The following MMP16 variants were observed in gnomAD, a reference collection of about 807,000 sequenced individuals.
The protein encoded by MMP16 is matrix metallopeptidase 16, also known as matrix metalloproteinase-16.
A neutral mutation model predicts 67.8 loss-of-function variants in MMP16; 12 were observed. That is an observed-to-expected ratio of 0.18 (90% CI 0.11 to 0.29). The LOEUF is 0.29. Ranked by LOEUF, MMP16 falls within the 10% of genes least tolerant of loss-of-function variation. MMP16 has a pLI of 1.00. For synonymous variants in MMP16, 249 were observed against 255.9 expected (o/e 0.97, Z 0.26); for missense variants, 475 against 765.7 (o/e 0.62, Z 4.48).
chr8:88,239,294 C>CAAAAAAAAAAAAAAAAAAA (rs34599512), intron 1 of MMP16, among the ~76,000 whole-genome samples: 1 of 80,538 alleles, frequency 1.2e-5, no homozygotes, highest in Non-Finnish European at 2.2e-5. Flanking sequence ...GACGCAGTCT[C>CAAAAAAAAAAAAAAAAAAA]AAAAAAAAAA....
chr8:88,304,101 T>C (rs1300025391), intron 1 of MMP16, among the ~76,000 whole-genome samples: 1 of 152,112 alleles, frequency 6.6e-6, no homozygotes, highest in East Asian at 1.9e-4. Flanking sequence ...GAGAGGAACA[T>C]AATTGACCTG....
chr8:88,238,482 ACT>A (rs571185803), intron 1 of MMP16, among the ~76,000 whole-genome samples: 163 of 151,636 alleles, frequency 1.1e-3, no homozygotes, highest in African/African-American at 3.8e-3. Context: ...ACATGGTGAA[ACT>A]CTCTCTCTAC....
intron 4 of MMP16, among the ~76,000 whole-genome samples, chr8:88,154,622 A>T (rs1808474796): frequency 6.6e-6 from 1 of 151,396 alleles, no homozygotes; most frequent in Non-Finnish European, 1.5e-5. Context: ...CAAGAACAAA[A>T]AACCAAACAC....
At chr8:88,320,740 T>G (rs2130086874) in intron 1 of MMP16, among the ~76,000 whole-genome samples, 1 of 152,274 alleles carries the variant, frequency 6.6e-6, no homozygotes, top group African/African-American at 2.4e-5. Context: ...ATTGGAGTCT[T>G]TAAGCAGCTC....
At chr8:88,306,100 G>C (rs1020438536) in intron 1 of MMP16, among the ~76,000 whole-genome samples, 2 of 151,570 alleles carry the variant, frequency 1.3e-5, no homozygotes, top group Non-Finnish European at 2.9e-5. Flanking sequence ...AATGATAAGG[G>C]GGATGTCACC....
At chr8:88,165,536 A>C (rs1233313700) in intron 4 of MMP16, among the ~76,000 whole-genome samples, 2 of 152,052 alleles carry the variant, frequency 1.3e-5, no homozygotes, top group East Asian at 3.9e-4. Context: ...TTAATCAAGC[A>C]TTTCTTATAT....
Position 88,279,114 on chromosome 8 carries a change from A to C in MMP16, c.132+47961T>G, listed in dbSNP as rs185756360. On this transcript the variant is annotated intron_variant, in intron 1 of 9. Coordinates refer to ENST00000286614, the MANE Select transcript of MMP16 (RefSeq NM_005941.5). ...GCATGTGCCTGTAGTCCCAGCCACTAAGGAGGCTGAGGCAGGAGAATCACT... is the reference window on the plus strand; with the variant it reads ...GCATGTGCCTGTAGTCCCAGCCACTCAGGAGGCTGAGGCAGGAGAATCACT... 2.6e-3 allele frequency among the ~76,000 whole-genome samples: 392 copies of C among 152,002 alleles called. 4 individuals are homozygous for C. The Middle Eastern group carries it at 0.031, about 12-fold the overall frequency.
At chr8:88,278,838 A>G (rs1436168118) in intron 1 of MMP16, among the ~76,000 whole-genome samples, 1 of 152,164 alleles carries the variant, frequency 6.6e-6, no homozygotes, top group Non-Finnish European at 1.5e-5. Context: ...GCATTGTACA[A>G]TCCTAACTTG....
intron 4 of MMP16, among the ~76,000 whole-genome samples, chr8:88,143,350 T>C (rs1368811728): frequency 3.3e-5 from 5 of 152,134 alleles, no homozygotes; most frequent in African/African-American, 1.2e-4. Flanking sequence ...TTCCCAATGC[T>C]TTCTCAAAGA....
At chr8:88,210,357 TA>T (rs1809494283) in intron 1 of MMP16, among the ~76,000 whole-genome samples, 1 of 152,172 alleles carries the variant, frequency 6.6e-6, no homozygotes. Context: ...TTCAACACAG[TA>T]GGGTCAACAC....
At chr8:88,310,900 G>A (rs1811285075) in intron 1 of MMP16, among the ~76,000 whole-genome samples, 1 of 152,088 alleles carries the variant, frequency 6.6e-6, no homozygotes. Context: ...AAAAGAAGGA[G>A]GTGGATGTGT....
intron 1 of MMP16, among the ~76,000 whole-genome samples, chr8:88,308,597 C>T (rs1251921609): frequency 6.6e-6 from 1 of 151,928 alleles, no homozygotes; most frequent in Non-Finnish European, 1.5e-5. Flanking sequence ...AGCACCTGTT[C>T]AGTAATTTTA....
chr8:88,319,724 TG>T (rs748426127), intron 1 of MMP16, among the ~76,000 whole-genome samples: 3 of 152,064 alleles, frequency 2.0e-5, no homozygotes, highest in Admixed American at 6.6e-5. Flanking sequence ...GGACATGAAA[TG>T]AAGTTTATAA....
rs751510832 is a variant in MMP16, at chr8:88,032,736, T to C, written c.*8725A>G. ...AAAAAATGCCAGATTTAAGATGGTA[T>C]AAGTGTATAGAATCCTGTGTGGGAA... On this transcript the variant is annotated 3_prime_UTR_variant, in exon 10 of 10. Coordinates refer to ENST00000286614, the MANE Select transcript of MMP16 (RefSeq NM_005941.5). 1 of 152,080 alleles carries C rather than the reference T, an allele frequency of 6.6e-6. No individual in the cohort carries two copies. The highest frequency in any genetic ancestry group is 1.5e-5 in the Non-Finnish European group (1 of 67,988). The allele number at this position is 152,080 out of a possible 1,614,324, so 9.4% of individuals were successfully genotyped here.
intron 7 of MMP16, among the ~76,000 whole-genome samples, chr8:88,066,880 A>T (rs1347480368): frequency 3.3e-5 from 5 of 152,102 alleles, no homozygotes; most frequent in Non-Finnish European, 4.4e-5. Flanking sequence ...CAAAAATAAG[A>T]TGAGAAATTA....
intron 3 of MMP16, among the ~76,000 whole-genome samples, chr8:88,182,939 AAG>A (rs781685730): frequency 9.9e-5 from 15 of 152,182 alleles, no homozygotes; most frequent in Non-Finnish European, 5.9e-5. Context: ...TGCCAAGTGA[AAG>A]AAGCCAGTCT....
intron 4 of MMP16, among the ~76,000 whole-genome samples, chr8:88,148,137 C>G (rs1054126155): frequency 6.6e-6 from 1 of 152,154 alleles, no homozygotes; most frequent in Non-Finnish European, 1.5e-5. Context: ...TTTATTCTTA[C>G]TATTGCATTT....
chr8:88,081,915 C>T (rs1158672231), intron 6 of MMP16, among the ~76,000 whole-genome samples: 37 of 152,088 alleles, frequency 2.4e-4, no homozygotes, highest in African/African-American at 8.7e-4. Flanking sequence ...TCTTAAAAAA[C>T]AACCATATTA....
At chr8:88,059,864 G>A (rs570390050) in intron 7 of MMP16, among the ~76,000 whole-genome samples, 5 of 151,728 alleles carry the variant, frequency 3.3e-5, no homozygotes, top group Admixed American at 1.3e-4. Flanking sequence ...AGGGGAAATT[G>A]ACTATTTTTA....
Sources: gnomAD v4.1 joint callset for allele counts (sites outside exome capture counted in the v4.1 genomes callset) on GRCh38, gnomAD v4.1.1 for gene constraint, MANE v1.5 for transcripts, NCBI Gene and HGNC (gene_info 2026-07-23, HGNC 2026-07-21) for gene names.